PBX1: variants seen among roughly 807,000 people sequenced by gnomAD.
PBX1 encodes the protein pre-B-cell leukemia transcription factor 1.
In PBX1, 6 loss-of-function variants were observed where a neutral mutation model predicts 53.4. The observed-to-expected ratio is 0.11, with a 90% CI of 0.06 to 0.22. The LOEUF is 0.22. Among genes scored for constraint, PBX1 ranks in the 10% least tolerant of loss-of-function variants. The pLI is 1.00. For synonymous variants in PBX1, 204 were observed against 212.3 expected, an observed-to-expected ratio of 0.96 and a Z score of 0.34; for missense variants, 251 against 551.4, an observed-to-expected ratio of 0.46 and a Z score of 5.46.
At chr1:164,661,431 T>G (rs1247261395) in intron 2 of PBX1, among the ~76,000 whole-genome samples, 1 of 150,832 alleles carries the variant, frequency 6.6e-6, no homozygotes, top group African/African-American at 2.4e-5. Context: ...CCAGTTTTTT[T>G]TTTTTTTTTT....
At chr1:164,869,000 A>G (rs1672285353) in intron 2 of PBX1, among the ~76,000 whole-genome samples, 1 of 152,194 alleles carries the variant, frequency 6.6e-6, no homozygotes, top group Non-Finnish European at 1.5e-5. Flanking sequence ...CCTTTGGCAG[A>G]TGGGCCTCTG....
chr1:164,636,165 T>G (rs547951046), intron 2 of PBX1, among the ~76,000 whole-genome samples: 6 of 152,122 alleles, frequency 3.9e-5, no homozygotes, highest in African/African-American at 1.4e-4. Flanking sequence ...TCTTTTTTTT[T>G]TCTCCTTTTG....
At chr1:164,819,401 T>C (rs3767365) in intron 6 of PBX1, 79,246 of 151,986 alleles carry the variant, frequency 0.52, 21,251 homozygotes, top group African/African-American at 0.62. Context: ...TTGTTTTCTC[T>C]GTAGTCACAG....
intron 2 of PBX1, among the ~76,000 whole-genome samples, chr1:164,734,857 G>A (rs1223715157): frequency 6.6e-6 from 1 of 152,088 alleles, no homozygotes; most frequent in East Asian, 1.9e-4. Context: ...TATTACTTTA[G>A]GAATATCTCT....
chr1:164,687,078 G>GC (rs1321387864), intron 2 of PBX1, among the ~76,000 whole-genome samples: 3 of 152,198 alleles, frequency 2.0e-5, no homozygotes, highest in Non-Finnish European at 2.9e-5. Flanking sequence ...GGTGGCATGG[G>GC]CACCAGCAAG....
At chr1:164,735,047 T>C (rs1665190309) in intron 2 of PBX1, among the ~76,000 whole-genome samples, 3 of 152,254 alleles carry the variant, frequency 2.0e-5, no homozygotes, top group South Asian at 4.1e-4. Context: ...ATAGGTATTA[T>C]GCAGTTATTT....
At chr1:164,786,720 T>TGGGTGTGCGC (rs1357886882) in intron 2 of PBX1, among the ~76,000 whole-genome samples, 1 of 116,256 alleles carries the variant, frequency 8.6e-6, no homozygotes, top group African/African-American at 3.5e-5. Flanking sequence ...TGTGTGTGTG[T>TGGGTGTGCGC]GCGCGCGCAC....
downstream of PBX1, among the ~76,000 whole-genome samples, chr1:164,852,110 C>G (rs553898354): frequency 6.6e-6 from 1 of 152,182 alleles, no homozygotes; most frequent in Non-Finnish European, 1.5e-5. Flanking sequence ...CCACCAAGCA[C>G]CAGTTCAGAG....
Position 164,884,558 on chromosome 1 carries a change from A to G in PBX1, n.258-14630A>G, listed in dbSNP as rs1217204106. On this transcript the variant is annotated intron_variant and non_coding_transcript_variant, in intron 2 of 2. Coordinates refer to the PBX1 transcript ENST00000558796. ...TCTTACCAGGAAATTGCAAGAACCT[A>G]TTGATGGCTTGGATGCTCTGGTGGT... 7 of 515,068 alleles carry G rather than the reference A, an allele frequency of 1.4e-5. 1 individual carries two copies. The highest frequency in any genetic ancestry group is 6.2e-5 in the South Asian group (4 of 64,066). The allele number at this position is 515,068 out of a possible 1,614,324, so 31.9% of individuals were successfully genotyped here.
chr1:164,737,087 G>C (rs1665334464), intron 2 of PBX1, among the ~76,000 whole-genome samples: 1 of 152,214 alleles, frequency 6.6e-6, no homozygotes, highest in Admixed American at 6.5e-5. Flanking sequence ...AGTGGTGCCT[G>C]AGCATCTTCT....
intron 2 of PBX1, among the ~76,000 whole-genome samples, chr1:164,655,340 C>T (rs182485739): frequency 0.014 from 2,147 of 152,068 alleles, 18 homozygotes; most frequent in Non-Finnish European, 0.024. Flanking sequence ...CTGGAACTCT[C>T]GACCTCAGGT....
At chr1:164,870,609 G>T (rs960773702) in intron 2 of PBX1, among the ~76,000 whole-genome samples, 1 of 152,048 alleles carries the variant, frequency 6.6e-6, no homozygotes, top group Non-Finnish European at 1.5e-5. Flanking sequence ...CTCCCAAAGT[G>T]CTGGGATTAC....
chr1:164,791,773 T>C (rs1668521028), intron 2 of PBX1, among the ~76,000 whole-genome samples: 1 of 152,206 alleles, frequency 6.6e-6, no homozygotes, highest in African/African-American at 2.4e-5. Flanking sequence ...ATTACATTTT[T>C]CTAGTTGAAA....
chr1:164,763,156 C>T (rs1666893549), intron 2 of PBX1, among the ~76,000 whole-genome samples: 1 of 152,244 alleles, frequency 6.6e-6, no homozygotes. Flanking sequence ...GCTGAAACCA[C>T]ATCCACCCCC....
intron 2 of PBX1, chr1:164,770,396 C>A (rs1190304639): frequency 6.6e-6 from 1 of 152,242 alleles, no homozygotes; most frequent in Admixed American, 6.5e-5. Flanking sequence ...GTGTCACCTT[C>A]TGTGCTCCAA....
At chr1:164,801,259 C>G (rs991283061) in intron 4 of PBX1, among the ~76,000 whole-genome samples, 2 of 152,116 alleles carry the variant, frequency 1.3e-5, no homozygotes, top group African/African-American at 2.4e-5. Flanking sequence ...GTGCCTCTCC[C>G]TCACCCGTGG....
At chr1:164,777,615 C>T (rs1232277836) in intron 2 of PBX1, among the ~76,000 whole-genome samples, 4 of 152,230 alleles carry the variant, frequency 2.6e-5, no homozygotes, top group Non-Finnish European at 4.4e-5. Flanking sequence ...CAAAGGAGGG[C>T]GGAATTAAGA....
intron 2 of PBX1, among the ~76,000 whole-genome samples, chr1:164,707,418 T>TGTGTGTGTGTGAGAGAGAGA (rs58617739): frequency 2.5e-5 from 3 of 118,214 alleles, no homozygotes; most frequent in African/African-American, 1.2e-4. Flanking sequence ...TGTGTGTGTG[T>TGTGTGTGTGTGAGAGAGAGA]GAGAGAGAGA....
At chr1:164,593,580 T>C (rs1171846906) in intron 2 of PBX1, among the ~76,000 whole-genome samples, 1 of 152,162 alleles carries the variant, frequency 6.6e-6, no homozygotes, top group Admixed American at 6.6e-5. Context: ...TGTTTTCATC[T>C]ATAAAAATGT....
Sources: allele counts gnomAD v4.1 joint callset (sites outside exome capture counted in the v4.1 genomes callset), GRCh38; gene constraint gnomAD v4.1.1; transcripts MANE v1.5; gene names NCBI Gene and HGNC (gene_info 2026-07-23, HGNC 2026-07-21).